CD8B2: variants seen among roughly 807,000 people sequenced by gnomAD.
CD8B2 encodes the protein T-cell surface glycoprotein CD8 beta-2 chain.
CD8B2 carries 11 observed loss-of-function variants against 23.7 expected under a neutral mutation model. The observed-to-expected ratio is 0.46, with a 90% CI of 0.29 to 0.77. The LOEUF is 0.77. CD8B2 is among the 30% of genes least tolerant of loss of function. CD8B2 has a pLI of 0.09. For missense variants in CD8B2, 197 were observed against 270.5 expected (o/e 0.73, Z 1.91); for synonymous variants, 90 against 109.3 (o/e 0.82, Z 1.10).
At chr2:106,503,844 A>G (rs1421955388) in intron 4 of CD8B2, among the ~76,000 whole-genome samples, 14 of 152,190 alleles carry the variant, frequency 9.2e-5, no homozygotes, top group Admixed American at 9.2e-4. Flanking sequence ...TTTTCTTCCT[A>G]ACTCCCAGTG....
At chr2:106,524,697 A>G (rs1183022943) in intron 5 of CD8B2, among the ~76,000 whole-genome samples, 1 of 152,218 alleles carries the variant, frequency 6.6e-6, no homozygotes, top group Non-Finnish European at 1.5e-5. Flanking sequence ...AGTGGTCTCA[A>G]GAGCACTTCA....
intron 4 of CD8B2, among the ~76,000 whole-genome samples, chr2:106,503,365 C>T (rs1285546313): frequency 5.3e-5 from 8 of 151,854 alleles, no homozygotes; most frequent in Admixed American, 3.3e-4. Flanking sequence ...ATGAAAATAA[C>T]GGACCTCTCC....
intron 5 of CD8B2, chr2:106,537,917 A>C (rs895392467): frequency 2.0e-5 from 3 of 152,198 alleles, no homozygotes; most frequent in Non-Finnish European, 4.4e-5. Context: ...TCGCTTTGGA[A>C]ATTAGCAGGG....
downstream of CD8B2, among the ~76,000 whole-genome samples, chr2:106,511,933 A>G (rs1020098705): frequency 6.6e-6 from 1 of 152,244 alleles, no homozygotes; most frequent in Non-Finnish European, 1.5e-5. Context: ...GCGCTGAAAA[A>G]GACACTTACA....
chr2:106,510,781 A>AG lies in CD8B2; in HGVS notation c.*3841_*3842insG, dbSNP rs1679616906. 1 of 151,960 alleles carries AG rather than the reference A, an allele frequency of 6.6e-6. No homozygotes were observed. Among genetic ancestry groups the AG allele is most frequent in the South Asian group, 2.1e-4 (1 of 4,810 alleles). The allele number at this position is 151,960 out of a possible 1,614,324, so 9.4% of individuals were successfully genotyped here. On this transcript the variant is annotated 3_prime_UTR_variant, in exon 6 of 6. Transcript: ENST00000643224. ...GTTTCTTGTTTTTTTTTCTTCCCAT[A>AG]TTTTTTAAAACATAAAATTGAAATC... is the stretch of plus-strand genomic sequence containing the variant.
chr2:106,532,284 T>A (rs1679998481), intron 5 of CD8B2, among the ~76,000 whole-genome samples: 1 of 152,240 alleles, frequency 6.6e-6, no homozygotes, highest in Non-Finnish European at 1.5e-5. Context: ...TTCCTGATTT[T>A]TTGGAAGCCA....
chr2:106,517,823 CT>C (rs1679754143), intron 5 of CD8B2, among the ~76,000 whole-genome samples: 1 of 152,084 alleles, frequency 6.6e-6, no homozygotes, highest in Admixed American at 6.5e-5. Flanking sequence ...CGCCGTTCTC[CT>C]GCCTCAGCCT....
At chr2:106,517,221 A>AT (rs1679742342) in intron 5 of CD8B2, among the ~76,000 whole-genome samples, 1 of 151,474 alleles carries the variant, frequency 6.6e-6, no homozygotes, top group African/African-American at 2.4e-5. Context: ...CTTTTTCTGG[A>AT]GAATAGTCTT....
At chr2:106,512,988 C>A (rs1458627904), downstream of CD8B2, among the ~76,000 whole-genome samples, 1 of 152,056 alleles carries the variant, frequency 6.6e-6, no homozygotes, top group Non-Finnish European at 1.5e-5. Flanking sequence ...AAGCCTGAGG[C>A]CAGAATTGAA....
chr2:106,496,329 C>G, intron 3 of CD8B2, 67 bp downstream of exon 3: 2 of 1,354,342 alleles, frequency 1.5e-6, no homozygotes, highest in Non-Finnish European at 2.0e-6. Flanking sequence ...CCTCCCTCCC[C>G]TCCTTCCTTC....
chr2:106,511,660 C>T (rs1045325494), downstream of CD8B2, among the ~76,000 whole-genome samples: 4 of 152,078 alleles, frequency 2.6e-5, no homozygotes, highest in African/African-American at 7.2e-5. Context: ...AAAGCTGATC[C>T]GAATCTACCA....
chr2:106,501,940 T>C (rs930685687), intron 3 of CD8B2, among the ~76,000 whole-genome samples: 1 of 152,132 alleles, frequency 6.6e-6, no homozygotes, highest in African/African-American at 2.4e-5. Flanking sequence ...TCTTAAAAAT[T>C]TGAATGTGGG....
At chr2:106,525,045 G>A (rs1679889379) in intron 5 of CD8B2, among the ~76,000 whole-genome samples, 1 of 152,146 alleles carries the variant, frequency 6.6e-6, no homozygotes, top group Non-Finnish European at 1.5e-5. Context: ...GCACAGGGCT[G>A]GAGACACCAA....
At chr2:106,520,003 C>G (rs913162760) in intron 5 of CD8B2, among the ~76,000 whole-genome samples, 1 of 152,158 alleles carries the variant, frequency 6.6e-6, no homozygotes, top group Non-Finnish European at 1.5e-5. Flanking sequence ...AAAGCCCTGC[C>G]TACACCCGCT....
intron 3 of CD8B2, among the ~76,000 whole-genome samples, chr2:106,497,960 AC>A (rs1679329802): frequency 6.6e-6 from 1 of 152,098 alleles, no homozygotes; most frequent in Admixed American, 6.5e-5. Flanking sequence ...TGGCACCCCA[AC>A]CCCAGTGATA....
intron 5 of CD8B2, among the ~76,000 whole-genome samples, chr2:106,530,193 A>C (rs1056239848): frequency 6.6e-6 from 1 of 152,244 alleles, no homozygotes; most frequent in Non-Finnish European, 1.5e-5. Context: ...ACTCCTGTGA[A>C]GGACGGATCC....
chr2:106,493,024 C>G (rs893143739), intron 2 of CD8B2, among the ~76,000 whole-genome samples: 1 of 152,082 alleles, frequency 6.6e-6, no homozygotes, highest in Non-Finnish European at 1.5e-5. Flanking sequence ...TTCCCGCCTT[C>G]CCACCGCCTC....
At chr2:106,513,598 T>G (rs1028463898), downstream of CD8B2, among the ~76,000 whole-genome samples, 1 of 150,374 alleles carries the variant, frequency 6.7e-6, no homozygotes, top group African/African-American at 2.5e-5. Flanking sequence ...AGGCTCCTCT[T>G]CCCCACACAC....
At chr2:106,524,312 G>A (rs550466867) in intron 5 of CD8B2, among the ~76,000 whole-genome samples, 10 of 152,162 alleles carry the variant, frequency 6.6e-5, no homozygotes, top group African/African-American at 9.7e-5. Context: ...TCTGATGCCC[G>A]AGGCCTGGGT....
Sources: allele counts gnomAD v4.1 joint callset (sites outside exome capture counted in the v4.1 genomes callset), GRCh38; gene constraint gnomAD v4.1.1; transcripts MANE v1.5; gene names NCBI Gene and HGNC (gene_info 2026-07-23, HGNC 2026-07-21).